NSUN4: variants seen among roughly 807,000 people sequenced by gnomAD.
The protein encoded by NSUN4 is 5-cytosine rRNA methyltransferase NSUN4.
Under a neutral mutation model 43.8 loss-of-function variants are expected in NSUN4, and 31 were observed. That is an observed-to-expected ratio of 0.71 (90% confidence interval 0.53 to 0.96). The LOEUF is 0.96. Among genes scored for constraint, NSUN4 ranks in the 40% least tolerant of loss-of-function variants. The pLI, the probability that NSUN4 is intolerant of heterozygous loss-of-function variation, is 0.00. For synonymous variants in NSUN4, 167 were observed against 184.1 expected, an observed-to-expected ratio of 0.91 and a Z score of 0.75; for missense variants, 439 against 475.6, an observed-to-expected ratio of 0.92 and a Z score of 0.72.
intron 4 of NSUN4, among the ~76,000 whole-genome samples, chr1:46,356,678 G>C (rs1238793961): frequency 4.0e-5 from 6 of 148,560 alleles, no homozygotes; most frequent in Non-Finnish European, 7.5e-5. Context: ...GGGAGACAGC[G>C]AGATTCCGTC....
rs1265284745 is a variant in NSUN4, at chr1:46,362,769, T to G, written c.*923T>G. 6.6e-6 allele frequency: 1 copy of G among 152,212 alleles called. No individual in the cohort carries two copies. The highest frequency in any genetic ancestry group is 1.5e-5 in the Non-Finnish European group (1 of 68,066). 9.4% of individuals were successfully genotyped at this position (152,212 alleles called of 1,614,324 possible). Reference sequence around the variant, plus strand: ...TGTTGTTTCTAGTCTGCAGCTGAGCTCTGGTGCCTGTTCTTTGGCCCACCC... The same window carrying G: ...TGTTGTTTCTAGTCTGCAGCTGAGCGCTGGTGCCTGTTCTTTGGCCCACCC... On this transcript the variant is annotated 3_prime_UTR_variant, in exon 6 of 6. Transcript: ENST00000474844.
chr1:46,381,117 C>T, the NSUN4 span, among the ~76,000 whole-genome samples: 2 of 152,158 alleles, frequency 1.3e-5, no homozygotes, highest in Non-Finnish European at 2.9e-5. Flanking sequence ...CATCTTGCTT[C>T]CCCCAAAGAC....
the NSUN4 span, among the ~76,000 whole-genome samples, chr1:46,376,785 T>A: frequency 0.22 from 33,847 of 151,146 alleles, 4,254 homozygotes; most frequent in Non-Finnish European, 0.29. Flanking sequence ...TGAGATGGAG[T>A]CTTACTCTGT....
chr1:46,361,880 G>GTA lies in NSUN4; in HGVS notation c.*37_*38dup. On this transcript the variant is annotated 3_prime_UTR_variant, in exon 6 of 6. Transcript: ENST00000474844. ...AATCCCTGAAGCAAGAATACAAAGG[G>GTA]TATACTCTGTTGGATGCACCAGAAA... The GTA allele has an allele frequency of 1.3e-6, 2 of 1,582,342 alleles. No individual in the cohort carries two copies. The highest frequency in any genetic ancestry group is 1.7e-6 in the Non-Finnish European group (2 of 1,161,538).
intron 4 of NSUN4, among the ~76,000 whole-genome samples, chr1:46,357,489 A>G (rs978644381): frequency 2.0e-5 from 3 of 152,256 alleles, no homozygotes; most frequent in Non-Finnish European, 2.9e-5. Context: ...AATATTAGAA[A>G]TATATTAGAA....
intron 4 of NSUN4, among the ~76,000 whole-genome samples, chr1:46,354,637 T>C (rs1663237646): frequency 6.6e-6 from 1 of 151,268 alleles, no homozygotes; most frequent in African/African-American, 2.4e-5. Flanking sequence ...TCTGCCTGTG[T>C]AGGAATCCCC....
At chr1:46,344,647 CCT>C (rs1662349128) in intron 1 of NSUN4, 152 bp from the exon 2 acceptor site, 3 of 659,722 alleles carry the variant, frequency 4.5e-6, no homozygotes, top group Middle Eastern at 6.5e-4. Context: ...ACTACTTTTC[CCT>C]CTCACACTTC....
chr1:46,370,193 G>T, the NSUN4 span, among the ~76,000 whole-genome samples: 1 of 152,142 alleles, frequency 6.6e-6, no homozygotes, highest in East Asian at 1.9e-4. Flanking sequence ...ACTTAGGGAA[G>T]AGAGATGTTG....
At position 46,361,801 on chromosome 1, in the gene NSUN4, C is replaced by T. The variant is rs1557745494; in HGVS notation, c.1110C>T (p.Ala370=). The change falls in exon 6 of 6, where the codon GCC becomes GCT. Residue 370 remains alanine (A), a synonymous_variant. Coordinates refer to ENST00000474844, the MANE Select transcript of NSUN4 (RefSeq NM_199044.4). ...VGELVIPNLM[A]NFGPMYFCKM... ...AGCTGGTAATACCAAACCTCATGGC[C>T]AATTTTGGCCCCATGTACTTCTGCA... The T allele has an allele frequency of 1.9e-6, 3 of 1,614,128 alleles. No individual in the cohort carries two copies. The highest frequency in any genetic ancestry group is 2.5e-6 in the Non-Finnish European group (3 of 1,180,006).
At chr1:46,369,965 A>T (rs1447450720), downstream of NSUN4, among the ~76,000 whole-genome samples, 1 of 152,236 alleles carries the variant, frequency 6.6e-6, no homozygotes, top group Non-Finnish European at 1.5e-5. Flanking sequence ...GCTCTACAGA[A>T]ATTGCTTCTG....
At chr1:46,349,829 G>A (rs999183669) in intron 3 of NSUN4, among the ~76,000 whole-genome samples, 1 of 152,204 alleles carries the variant, frequency 6.6e-6, no homozygotes, top group Non-Finnish European at 1.5e-5. Context: ...AATGCTGTGG[G>A]AATCCATTAG....
the NSUN4 span, among the ~76,000 whole-genome samples, chr1:46,379,635 C>CCAAA: frequency 6.6e-6 from 1 of 152,048 alleles, no homozygotes; most frequent in South Asian, 2.1e-4. Context: ...AACCAACCAA[C>CCAAA]CAAACAACAA....
chr1:46,375,199 G>T, the NSUN4 span, among the ~76,000 whole-genome samples: 1 of 152,152 alleles, frequency 6.6e-6, no homozygotes, highest in Non-Finnish European at 1.5e-5. Context: ...ACTTTGGGTA[G>T]CAGAGGTGGG....
chr1:46,371,509 T>C, the NSUN4 span, among the ~76,000 whole-genome samples: 1 of 152,152 alleles, frequency 6.6e-6, no homozygotes, highest in Non-Finnish European at 1.5e-5. Context: ...GGTTTTACCA[T>C]GTTAGCCAGG....
intron 3 of NSUN4, among the ~76,000 whole-genome samples, chr1:46,348,709 C>CAAAAAA (rs34999763): frequency 1.7e-4 from 9 of 52,138 alleles, no homozygotes; most frequent in African/African-American, 6.4e-4. Context: ...AACTCTGTCT[C>CAAAAAA]AAAAAAAAAA....
At chr1:46,383,590 G>A in the NSUN4 span, among the ~76,000 whole-genome samples, 1 of 151,734 alleles carries the variant, frequency 6.6e-6, no homozygotes, top group Non-Finnish European at 1.5e-5. Context: ...CGAGTAGCTG[G>A]GACTACAGGC....
downstream of NSUN4, among the ~76,000 whole-genome samples, chr1:46,366,796 A>G (rs1557748114): frequency 1.3e-5 from 2 of 151,482 alleles, no homozygotes; most frequent in South Asian, 2.1e-4. Flanking sequence ...GAGGGATCAT[A>G]TTGAGAGACC....
chr1:46,382,719 A>C, the NSUN4 span, among the ~76,000 whole-genome samples: 1 of 151,262 alleles, frequency 6.6e-6, no homozygotes, highest in Non-Finnish European at 1.5e-5. Flanking sequence ...CTCCTGCCTT[A>C]GCCTCCCAAG....
rs767147491 is a variant in NSUN4 at position 46,340,933 on chromosome 1, G to T, written c.93+14G>T. On this transcript the variant is annotated intron_variant, in intron 1 of 5. Coordinates refer to ENST00000474844, the MANE Select transcript of NSUN4 (RefSeq NM_199044.4). The stretch of plus-strand genomic sequence containing the variant: ...AAGAAGAAATGGGTAAGGTCCGGCT[G>T]GGGGCGCAGGAGGGAAAAGTGAGGG... 2.5e-6 allele frequency: 4 copies of T among 1,604,850 alleles called. No individual in the cohort carries two copies. Among genetic ancestry groups the T allele is most frequent in the Non-Finnish European group, 3.4e-6 (4 of 1,174,408 alleles).
Sources: gnomAD v4.1 joint callset for allele counts (sites outside exome capture counted in the v4.1 genomes callset) on GRCh38, gnomAD v4.1.1 for gene constraint, MANE v1.5 for transcripts, NCBI Gene and HGNC (gene_info 2026-07-23, HGNC 2026-07-21) for gene names.